Variants in PSD3 observed in about 807,000 individuals in gnomAD.
The protein encoded by PSD3 is PH and SEC7 domain-containing protein 3.
In PSD3, 49 loss-of-function variants were observed where a neutral mutation model predicts 105.5. The ratio of observed to expected loss-of-function variants is 0.46; its 90% CI spans 0.37 to 0.59. The LOEUF is 0.59. Among genes scored for constraint, PSD3 ranks in the 20% least tolerant of loss-of-function variants. The probability of loss-of-function intolerance (pLI) is 0.00; values close to 1 mark genes in which losing one functional copy is unlikely to be tolerated. For synonymous variants in PSD3, 557 were observed against 457.8 expected, an observed-to-expected ratio of 1.22 and a Z score of -2.77; for missense variants, 1,561 against 1,263.8, an observed-to-expected ratio of 1.24 and a Z score of -3.57.
At chr8:18,576,391 G>A (rs188569376) in intron 12 of PSD3, among the ~76,000 whole-genome samples, 12 of 152,156 alleles carry the variant, frequency 7.9e-5, no homozygotes, top group African/African-American at 2.4e-4. Context: ...GATAAGAAGT[G>A]CTATTGACAA....
At chr8:18,544,278 G>A (rs1413470176) in intron 15 of PSD3, among the ~76,000 whole-genome samples, 3 of 151,074 alleles carry the variant, frequency 2.0e-5, no homozygotes. Context: ...ACTACGAGAT[G>A]ATGGCAGAAT....
chr8:18,881,910 A>G (rs1398739294), intron 2 of PSD3, among the ~76,000 whole-genome samples: 1 of 152,174 alleles, frequency 6.6e-6, no homozygotes, highest in Non-Finnish European at 1.5e-5. Context: ...TAGGATACCA[A>G]TTAATAGAAG....
Position 18,556,269 on chromosome 8 carries a change from C to G in PSD3, c.2868G>C (p.Lys956Asn). Residue 956 changes from lysine (K) to asparagine (N), a missense_variant, in exon 15 of 16, where the codon AAG becomes AAC. Coordinates refer to ENST00000327040, the MANE Select transcript of PSD3 (RefSeq NM_015310.4). ...CATCGACGTCCTTGGCTTTGACCTT[C>G]TTGTCGGGGGGATATGAGCGGTGCT... ...LAEHRSYPPDKKVKAKDVDEY... is the reference protein window; with the variant it reads ...LAEHRSYPPDNKVKAKDVDEY... 1.9e-6 allele frequency: 3 copies of G among 1,614,118 alleles called. No individual in the cohort carries two copies. Among genetic ancestry groups the G allele is most frequent in the Non-Finnish European group, 2.5e-6 (3 of 1,180,010 alleles).
chr8:18,836,577 C>CCCGCCATAT (rs1483281184), intron 4 of PSD3, among the ~76,000 whole-genome samples: 1 of 152,080 alleles, frequency 6.6e-6, no homozygotes, highest in Non-Finnish European at 1.5e-5. Context: ...ATACATTTGT[C>CCCGCCATAT]CCGCCATATC....
intron 9 of PSD3, among the ~76,000 whole-genome samples, chr8:18,755,850 T>C (rs1405935422): frequency 6.6e-6 from 1 of 152,048 alleles, no homozygotes; most frequent in African/African-American, 2.4e-5. Flanking sequence ...TTTTCATTCA[T>C]GGTCTGAACC....
Position 19,041,934 on chromosome 8 carries a change from A to G in PSD3, c.324+42272T>C, listed in dbSNP as rs189349063. On this transcript the variant is annotated intron_variant, in intron 1 of 1. Transcript: ENST00000521475. ...AAGGGGAGACAAGACGAAAGACACA[A>G]TCAGAACTGCATTTTTTAAAAAATT... Among the ~76,000 whole-genome samples the G allele has an allele frequency of 1.7e-3, 254 of 152,130 alleles. 2 individuals carry two copies. Among genetic ancestry groups the G allele is most frequent in the Admixed American group, 2.9e-3 (44 of 15,294 alleles).
chr8:18,559,703 G>A (rs1801280349), intron 14 of PSD3, among the ~76,000 whole-genome samples: 1 of 151,976 alleles, frequency 6.6e-6, no homozygotes, highest in Non-Finnish European at 1.5e-5. Flanking sequence ...TTTAGATTTA[G>A]GCTTTCCAAT....
At chr8:18,617,684 G>A (rs1234423272) in intron 11 of PSD3, among the ~76,000 whole-genome samples, 1 of 152,108 alleles carries the variant, frequency 6.6e-6, no homozygotes, top group African/African-American at 2.4e-5. Context: ...GACAGAAAGG[G>A]GGTGTTGGAC....
intron 11 of PSD3, among the ~76,000 whole-genome samples, chr8:18,628,574 G>C (rs935345533): frequency 1.3e-5 from 2 of 151,776 alleles, no homozygotes; most frequent in Non-Finnish European, 2.9e-5. Flanking sequence ...AGTTATGTGG[G>C]GGTAAAAGTA....
In PSD3 at chr8:18,530,230, C is replaced by CTT. The variant is rs1799578627; in HGVS notation, c.*5512_*5513insAA. On this transcript the variant is annotated 3_prime_UTR_variant, in exon 16 of 16. Transcript: ENST00000327040. ...ACCTATTTACACTCTATAATATAAG[C>CTT]AGTAAGCTCAAACAACTAAGGCCAG... The CTT allele has an allele frequency of 6.6e-6, 1 of 152,578 alleles. No homozygotes were observed. The highest frequency in any genetic ancestry group is 2.4e-5 in the African/African-American group (1 of 41,430). 9.5% of individuals were successfully genotyped at this position (152,578 alleles called of 1,614,324 possible).
chr8:18,578,552 A>G (rs971249658), intron 12 of PSD3, among the ~76,000 whole-genome samples: 1 of 152,028 alleles, frequency 6.6e-6, no homozygotes, highest in South Asian at 2.1e-4. Flanking sequence ...ATATATCACA[A>G]TGTCTAACAA....
chr8:18,703,733 A>G (rs1801725433), intron 9 of PSD3, among the ~76,000 whole-genome samples: 1 of 152,234 alleles, frequency 6.6e-6, no homozygotes, highest in African/African-American at 2.4e-5. Flanking sequence ...TAAAATAAGT[A>G]AAATAACATG....
chr8:18,733,082 T>C (rs1803887329), intron 9 of PSD3: 1 of 152,038 alleles, frequency 6.6e-6, no homozygotes, highest in Admixed American at 6.6e-5. Context: ...TTAGGGTCCT[T>C]TAAAAATACA....
intron 1 of PSD3, among the ~76,000 whole-genome samples, chr8:18,957,127 T>G (rs904231660): frequency 6.6e-6 from 1 of 151,840 alleles, no homozygotes; most frequent in Non-Finnish European, 1.5e-5. Context: ...ATTCCAACAC[T>G]CTGGGAGGCC....
chr8:18,773,757 G>C (rs1223397033), intron 8 of PSD3, among the ~76,000 whole-genome samples: 1 of 151,986 alleles, frequency 6.6e-6, no homozygotes, highest in Non-Finnish European at 1.5e-5. Context: ...ATAAATTTCA[G>C]GATTTGTCTG....
At chr8:18,567,470 T>G (rs1318365519) in intron 14 of PSD3, among the ~76,000 whole-genome samples, 2 of 152,178 alleles carry the variant, frequency 1.3e-5, no homozygotes, top group Admixed American at 1.3e-4. Context: ...CTTCTGGTCA[T>G]CAGTAAGAGC....
At chr8:19,013,729 T>A, upstream of PSD3, 2 of 559,502 alleles carry the variant, frequency 3.6e-6, no homozygotes, top group Non-Finnish European at 4.9e-6. Context: ...GCGCGCACCC[T>A]GGCGGAGGCT....
At chr8:18,813,769 G>GT (rs1465786757) in intron 4 of PSD3, among the ~76,000 whole-genome samples, 1 of 152,052 alleles carries the variant, frequency 6.6e-6, no homozygotes, top group East Asian at 1.9e-4. Flanking sequence ...AACCCTTAAG[G>GT]TTTTTAGCTA....
At chr8:18,984,383 T>C (rs919159573) in intron 1 of PSD3, among the ~76,000 whole-genome samples, 1 of 152,054 alleles carries the variant, frequency 6.6e-6, no homozygotes, top group African/African-American at 2.4e-5. Flanking sequence ...CTTTACATTA[T>C]GGTACAAATT....
Sources: allele counts gnomAD v4.1 joint callset (sites outside exome capture counted in the v4.1 genomes callset), GRCh38; gene constraint gnomAD v4.1.1; transcripts MANE v1.5; gene names NCBI Gene and HGNC (gene_info 2026-07-23, HGNC 2026-07-21).